The following MARF1 variants were observed in gnomAD, a reference collection of about 807,000 sequenced individuals.
MARF1 encodes the protein limkain-b1.
Under a neutral mutation model 168.2 loss-of-function variants are expected in MARF1, and 24 were observed. The observed-to-expected ratio is 0.14, with a 90% CI of 0.10 to 0.20. The LOEUF (loss-of-function observed/expected upper bound fraction) is 0.20. Among genes scored for constraint, MARF1 ranks in the 10% least tolerant of loss-of-function variants. The probability of loss-of-function intolerance (pLI) is 1.00; values close to 1 mark genes in which losing one functional copy is unlikely to be tolerated. For synonymous variants in MARF1, 868 were observed against 822.4 expected, an observed-to-expected ratio of 1.06 and a Z score of -0.95; for missense variants, 1,744 against 2,143.6, an observed-to-expected ratio of 0.81 and a Z score of 3.68.
chr16:15,611,199 C>T, intron 18 of MARF1, 91 bp from the exon 19 acceptor site: 1 of 1,293,866 alleles, frequency 7.7e-7, no homozygotes, highest in Non-Finnish European at 1.1e-6. Context: ...GGGCTCACGC[C>T]TGTAATCCCA....
intron 7 of MARF1, among the ~76,000 whole-genome samples, chr16:15,626,722 G>A (rs1290659417): frequency 6.6e-6 from 1 of 152,106 alleles, no homozygotes; most frequent in Non-Finnish European, 1.5e-5. Flanking sequence ...CACTCTGGGA[G>A]GCCAAGGCAG....
At chr16:15,599,154 T>TAAAAAAAAAAAAAAAAAAA in intron 25 of MARF1, 130 bp from the exon 26 acceptor site, 1 of 297,700 alleles carries the variant, frequency 3.4e-6, no homozygotes. Context: ...TTTAAGGTAT[T>TAAAAAAAAAAAAAAAAAAA]AAAAAAAAAA....
At chr16:15,640,433 G>A (rs748101865) in intron 1 of MARF1, among the ~76,000 whole-genome samples, 30 of 152,184 alleles carry the variant, frequency 2.0e-4, no homozygotes, top group Non-Finnish European at 3.1e-4. Flanking sequence ...GCGAGGCACC[G>A]TGGCTCAGGC....
At chr16:15,620,255 G>C (rs1022089737) in intron 13 of MARF1, among the ~76,000 whole-genome samples, 196 bp downstream of exon 13, 6 of 152,076 alleles carry the variant, frequency 3.9e-5, no homozygotes, top group Non-Finnish European at 8.8e-5. Flanking sequence ...GAGGACCAAA[G>C]GTCTAACTTT....
chr16:15,613,061 AG>A (rs2033714048), intron 16 of MARF1, among the ~76,000 whole-genome samples: 1 of 152,212 alleles, frequency 6.6e-6, no homozygotes, highest in South Asian at 2.1e-4. Flanking sequence ...CAGAAGTCAA[AG>A]TACACAAGAA....
chr16:15,611,712 C>A lies in MARF1; in HGVS notation c.3497G>T (p.Arg1166Leu). 6.2e-7 allele frequency: 1 copy of A among 1,613,856 alleles called. No individual in the cohort carries two copies. The highest frequency in any genetic ancestry group is 1.1e-5 in the South Asian group (1 of 91,034). The change falls in exon 18 of 27, where the codon CGT becomes CTT. Residue 1166 changes from arginine (R) to leucine (L), a missense_variant. Transcript: ENST00000396368. The part of the protein sequence containing the change: ...VLQILGMGSK[R>L]LLTLTHRAQV... ...GGCCCTGTGGGTAAGGGTCAGCAGA[C>A]GTTTGGAGCCCATTCCAAGAATCTG... is the stretch of plus-strand genomic sequence containing the variant.
At chr16:15,621,989 A>G in intron 11 of MARF1, 78 bp from the exon 12 acceptor site, 2 of 1,375,590 alleles carry the variant, frequency 1.5e-6, no homozygotes, top group Non-Finnish European at 2.0e-6. Context: ...TGAACCATGA[A>G]GGAACACATT....
chr16:15,620,177 AAAAC>A (rs538129574), intron 13 of MARF1, among the ~76,000 whole-genome samples: 42 of 152,306 alleles, frequency 2.8e-4, no homozygotes, highest in African/African-American at 4.8e-4. Flanking sequence ...AAAAAATTAA[AAAAC>A]AAACAAACAA....
chr16:15,599,100 G>T, intron 25 of MARF1, 76 bp from the exon 26 acceptor site: 5 of 1,157,260 alleles, frequency 4.3e-6, no homozygotes, highest in African/African-American at 1.7e-5. Flanking sequence ...GCTCACACCT[G>T]AAGTTTTCCT....
At chr16:15,632,561 A>C (rs2151275536) in intron 5 of MARF1, among the ~76,000 whole-genome samples, 1 of 152,288 alleles carries the variant, frequency 6.6e-6, no homozygotes. Context: ...GTGAGGTGGT[A>C]GAGAGAGGAG....
At chr16:15,621,985 A>G (rs1378762108) in intron 11 of MARF1, 74 bp from the exon 12 acceptor site, 3 of 1,387,720 alleles carry the variant, frequency 2.2e-6, no homozygotes, top group Non-Finnish European at 3.0e-6. Flanking sequence ...AAGGTGAACC[A>G]TGAAGGAACA....
At chr16:15,614,039 A>G (rs1221743631) in intron 16 of MARF1, among the ~76,000 whole-genome samples, 1 of 152,084 alleles carries the variant, frequency 6.6e-6, no homozygotes, top group Non-Finnish European at 1.5e-5. Context: ...TAACTCAGAC[A>G]CTCACCCAAG....
chr16:15,629,098 G>A lies in MARF1; in HGVS notation c.1524+1234C>T, dbSNP rs372838352. On this transcript the variant is annotated intron_variant, in intron 7 of 26. Transcript: ENST00000396368. ...CGACCAGGCTGGAGTGCAGTGGCGCGATCTCAGCTCACTGCAACCTTCACC... is the reference window on the plus strand; with the variant it reads ...CGACCAGGCTGGAGTGCAGTGGCGCAATCTCAGCTCACTGCAACCTTCACC... 2.7e-5 allele frequency among the ~76,000 whole-genome samples: 4 copies of A among 150,326 alleles called. No homozygotes were observed. The East Asian group carries it at 5.9e-4, about 22-fold the overall frequency.
intron 26 of MARF1, among the ~76,000 whole-genome samples, chr16:15,597,471 C>G (rs2031849852): frequency 1.3e-5 from 2 of 152,234 alleles, no homozygotes. Context: ...AAGTTGAGCA[C>G]AGCCAGCTTT....
intron 25 of MARF1, 150 bp from the exon 26 acceptor site, chr16:15,599,174 A>AAAC: frequency 1.3e-6 from 1 of 751,462 alleles, no homozygotes; most frequent in African/African-American, 1.9e-5. Context: ...AAAAAAAAAA[A>AAAC]ACAAAAACCC....
In MARF1 at chr16:15,616,714, G is replaced by A. The variant is rs190594815; in HGVS notation, c.3077+338C>T. ...TGCGGCCCACTGCACACCTAGGCTG[G>A]TGCAGCCCATGGTTCCCGAGCTACA... On this transcript the variant is annotated intron_variant, in intron 15 of 26. Transcript: ENST00000396368. 28 of 218,062 alleles carry A rather than the reference G, an allele frequency of 1.3e-4. No homozygotes were observed. The East Asian group carries it at 3.0e-3, about 23-fold the overall frequency. 13.5% of individuals were successfully genotyped at this position (218,062 alleles called of 1,614,324 possible).
At chr16:15,636,388 G>T in intron 2 of MARF1, 46 bp from the exon 3 acceptor site, 1 of 1,444,734 alleles carries the variant, frequency 6.9e-7, no homozygotes, top group Non-Finnish European at 9.3e-7. Flanking sequence ...TGAGGTCCGT[G>T]GTTTTTTGGT....
At position 15,623,067 on chromosome 16, in the gene MARF1, T is replaced by C; in HGVS notation, c.2327A>G (p.Asn776Ser). 1.9e-6 allele frequency: 3 copies of C among 1,610,988 alleles called. No individual in the cohort carries two copies. The highest frequency in any genetic ancestry group is 2.5e-6 in the Non-Finnish European group (3 of 1,177,368). ...TGGGCAGTCGGCTTCGCTGCTCGAA[T>C]TTGCAATGTTGAAAGCAAGCGGGGA... ...RASPLAFNIA[N>S]SSSEADCPDP... The change falls in exon 11 of 27, where the codon AAT (asparagine) becomes AGT (serine). Residue 776 changes from asparagine (N) to serine (S), a missense_variant. By Grantham distance (46) the Asn-to-Ser change is conservative. Around this residue, in one of 7 missense-constraint regions of MARF1, gnomAD observed 270 missense variants for 260.6 expected, o/e 1.04. Coordinates refer to ENST00000396368, the MANE Select transcript of MARF1 (RefSeq NM_014647.4).
At chr16:15,602,847 A>T (rs1281327684) in intron 22 of MARF1, 1 of 294,420 alleles carries the variant, frequency 3.4e-6, no homozygotes, top group African/African-American at 2.2e-5. Context: ...TGCACCTCCA[A>T]ACCAGTTTTC....
Sources: gnomAD v4.1 joint callset for allele counts (sites outside exome capture counted in the v4.1 genomes callset) on GRCh38, gnomAD v4.1.1 for gene constraint, gnomAD v4.1.1 regional missense constraint, MANE v1.5 for transcripts, NCBI Gene and HGNC (gene_info 2026-07-23, HGNC 2026-07-21) for gene names.